SAV1: variants seen among roughly 807,000 people sequenced by gnomAD.
The protein encoded by SAV1 is protein salvador homolog 1.
A neutral mutation model predicts 47.3 loss-of-function variants in SAV1; 23 were observed. The ratio of observed to expected loss-of-function variants is 0.49; its 90% CI spans 0.35 to 0.69. The LOEUF (loss-of-function observed/expected upper bound fraction) is 0.69. SAV1 is among the 30% of genes least tolerant of loss of function. The pLI is 0.01. For synonymous variants in SAV1, 155 were observed against 159.2 expected, an observed-to-expected ratio of 0.97 and a Z score of 0.20; for missense variants, 448 against 457.4, an observed-to-expected ratio of 0.98 and a Z score of 0.19.
At chr14:50,666,017 T>C (rs117796074) in intron 1 of SAV1, among the ~76,000 whole-genome samples, 1 of 152,350 alleles carries the variant, frequency 6.6e-6, no homozygotes, top group Non-Finnish European at 1.5e-5. Flanking sequence ...TATTTTGTTG[T>C]TCTCACTTCA....
At chr14:50,641,039 G>A (rs760519991) in intron 3 of SAV1, 146 bp from the exon 4 acceptor site, 1 of 658,006 alleles carries the variant, frequency 1.5e-6, no homozygotes, top group Non-Finnish European at 2.3e-6. Flanking sequence ...GTATTTTTAA[G>A]ATATTTCTTC....
In SAV1 at chr14:50,668,188, T is replaced by G; in HGVS notation, c.-221A>C. On this transcript the variant is annotated 5_prime_UTR_variant, in exon 1 of 5. Coordinates refer to ENST00000324679, the MANE Select transcript of SAV1 (RefSeq NM_021818.4). ...CGCCGCTCAGTCGCTGGTCAGTTCCTTCCCGGAAGTCGGCCCGCTCTGCGA... is the reference window on the plus strand; with the variant it reads ...CGCCGCTCAGTCGCTGGTCAGTTCCGTCCCGGAAGTCGGCCCGCTCTGCGA... 3.8e-6 allele frequency: 1 copy of G among 265,488 alleles called. No individual in the cohort carries two copies. Among genetic ancestry groups the G allele is most frequent in the Non-Finnish European group, 7.0e-6 (1 of 142,710 alleles). The allele number at this position is 265,488 out of a possible 1,614,324, so 16.4% of individuals were successfully genotyped here.
chr14:50,637,663 A>G lies in SAV1; in HGVS notation c.951-2279T>C, dbSNP rs1010112875. 104 of 128,758 alleles carry G rather than the reference A, an allele frequency of 8.1e-4. 1 individual carries two copies. Among genetic ancestry groups the G allele is most frequent in the African/African-American group, 3.3e-3 (99 of 29,576 alleles). 8.0% of individuals were successfully genotyped at this position (128,758 alleles called of 1,614,324 possible). A position where few individuals can be genotyped will look rare whatever the true frequency, so the allele number is the denominator to read the frequency against. Reference sequence around the variant, plus strand: ...GAAAAAATCTTCAAACAATTTTGTCAGTTTTTTTTTTTTTTTTTTTTTTTT... The same window carrying G: ...GAAAAAATCTTCAAACAATTTTGTCGGTTTTTTTTTTTTTTTTTTTTTTTT... On this transcript the variant is annotated intron_variant, in intron 4 of 4. Coordinates refer to ENST00000324679, the MANE Select transcript of SAV1 (RefSeq NM_021818.4).
chr14:50,653,627 T>C (rs989396278), intron 2 of SAV1, among the ~76,000 whole-genome samples: 2 of 152,140 alleles, frequency 1.3e-5, no homozygotes, highest in East Asian at 1.9e-4. Context: ...TCCCAGCACT[T>C]TGGGAGGCCG....
chr14:50,656,776 T>G (rs1395004531), intron 2 of SAV1, among the ~76,000 whole-genome samples: 1 of 152,200 alleles, frequency 6.6e-6, no homozygotes, highest in East Asian at 1.9e-4. Flanking sequence ...ATGTGTGATA[T>G]ATTTTTTCAA....
chr14:50,639,409 G>A (rs1274941628), intron 4 of SAV1, among the ~76,000 whole-genome samples: 1 of 152,074 alleles, frequency 6.6e-6, no homozygotes, highest in African/African-American at 2.4e-5. Context: ...ACCCTTTGTT[G>A]ATAGAATATT....
intron 2 of SAV1, among the ~76,000 whole-genome samples, chr14:50,653,727 G>A (rs1450116173): frequency 6.6e-6 from 1 of 151,856 alleles, no homozygotes; most frequent in East Asian, 1.9e-4. Context: ...AAATTAGCTG[G>A]GCCTGGTGGC....
intron 2 of SAV1, among the ~76,000 whole-genome samples, chr14:50,655,400 A>C (rs1282275310): frequency 6.6e-6 from 1 of 150,852 alleles, no homozygotes; most frequent in Non-Finnish European, 1.5e-5. Context: ...CAAAATTCTA[A>C]ATACTGCATT....
At chr14:50,657,267 T>C (rs569899064) in intron 2 of SAV1, among the ~76,000 whole-genome samples, 2 of 152,256 alleles carry the variant, frequency 1.3e-5, no homozygotes, top group African/African-American at 4.8e-5. Flanking sequence ...ACTCCTGACC[T>C]TGTGATCCAC....
At chr14:50,657,137 C>T (rs1305181915) in intron 2 of SAV1, among the ~76,000 whole-genome samples, 3 of 151,178 alleles carry the variant, frequency 2.0e-5, no homozygotes, top group East Asian at 1.9e-4. Flanking sequence ...CTGGTTCAAG[C>T]GATTCTCCTG....
rs141278149 is a variant in SAV1, at chr14:50,649,055, T to C, written c.536-4041A>G. Among the ~76,000 whole-genome samples the C allele has an allele frequency of 2.2e-4, 33 of 152,290 alleles. 2 individuals carry two copies. In the East Asian group the frequency reaches 5.4e-3, roughly 25 times the overall value. ...TTTTTTTTACCCTTAGCTCACTCTG[T>C]TCCAGCTACACTCACCTCCTGGATG... On this transcript the variant is annotated intron_variant, in intron 2 of 4. Coordinates refer to ENST00000324679, the MANE Select transcript of SAV1 (RefSeq NM_021818.4).
chr14:50,654,162 T>C (rs1045737527), intron 2 of SAV1, among the ~76,000 whole-genome samples: 1 of 152,220 alleles, frequency 6.6e-6, no homozygotes, highest in Non-Finnish European at 1.5e-5. Flanking sequence ...TTACCTTTCA[T>C]GAAAGATTTT....
chr14:50,662,607 A>G (rs956966251), intron 2 of SAV1: 2 of 152,242 alleles, frequency 1.3e-5, no homozygotes, highest in Admixed American at 1.3e-4. Context: ...TGCTCCTAAG[A>G]GAGGATCAGT....
intron 2 of SAV1, among the ~76,000 whole-genome samples, chr14:50,659,690 C>T (rs1566747058): frequency 6.6e-6 from 1 of 152,052 alleles, no homozygotes; most frequent in African/African-American, 2.4e-5. Context: ...ACTAAAAATA[C>T]AAAAAATTAG....
chr14:50,644,852 C>T lies in SAV1; in HGVS notation c.698G>A (p.Arg233Gln), dbSNP rs1393932581. ...NTTHWSHPLE[R>Q]EGLPPGWERV... is the part of the protein sequence containing the mutation. ...TTCCCATCCAGGAGGAAGTCCTTCT[C>T]GCTCAAGAGGATGGCTCCAGTGAGT... The change falls in exon 3 of 5, where the codon CGA becomes CAA. Residue 233 changes from arginine (R) to glutamine (Q), a missense_variant. Arg to Gln is a conservative substitution (Grantham distance 43). Coordinates refer to ENST00000324679, the MANE Select transcript of SAV1 (RefSeq NM_021818.4). The T allele has an allele frequency of 1.2e-6, 2 of 1,614,152 alleles. No homozygotes were observed. The highest frequency in any genetic ancestry group is 1.1e-5 in the South Asian group (1 of 91,082).
chr14:50,657,677 G>T (rs1275704220), intron 2 of SAV1, among the ~76,000 whole-genome samples: 2 of 152,164 alleles, frequency 1.3e-5, no homozygotes, highest in Admixed American at 6.5e-5. Context: ...TTACCTTTCT[G>T]TAATTTCAAG....
chr14:50,645,062 A>G (rs754551422), intron 2 of SAV1, 48 bp from the exon 3 acceptor site: 1 of 1,527,500 alleles, frequency 6.5e-7, no homozygotes. Context: ...CAATTATTCA[A>G]TGCAAAAAAT....
At chr14:50,653,525 T>C (rs2039787360) in intron 2 of SAV1, among the ~76,000 whole-genome samples, 1 of 152,202 alleles carries the variant, frequency 6.6e-6, no homozygotes, top group East Asian at 1.9e-4. Context: ...ATAAAGTGAA[T>C]ATTGCAATAA....
At chr14:50,654,147 G>T (rs2039793109) in intron 2 of SAV1, among the ~76,000 whole-genome samples, 1 of 152,110 alleles carries the variant, frequency 6.6e-6, no homozygotes, top group Admixed American at 6.6e-5. Context: ...CTCCATCAAT[G>T]GACTTTACCT....
Sources: gnomAD v4.1 joint callset for allele counts (sites outside exome capture counted in the v4.1 genomes callset) on GRCh38, gnomAD v4.1.1 for gene constraint, MANE v1.5 for transcripts, NCBI Gene and HGNC (gene_info 2026-07-23, HGNC 2026-07-21) for gene names.